Variants in KCNU1 observed in about 807,000 individuals in gnomAD.
KCNU1 encodes potassium calcium-activated channel subfamily U member 1.
In KCNU1, 93 loss-of-function variants were observed where a neutral mutation model predicts 126.8. The observed-to-expected ratio is 0.73, with a 90% CI of 0.62 to 0.87. The LOEUF is 0.87. KCNU1 is among the 40% of genes least tolerant of loss of function. KCNU1 has a pLI of 0.00. For missense variants in KCNU1, 1,330 were observed against 1,367.1 expected, an observed-to-expected ratio of 0.97 and a Z score of 0.43; for synonymous variants, 523 against 494.2, an observed-to-expected ratio of 1.06 and a Z score of -0.77.
intron 14 of KCNU1, among the ~76,000 whole-genome samples, chr8:36,838,782 A>G (rs1317013236): frequency 6.6e-6 from 1 of 152,118 alleles, no homozygotes; most frequent in Non-Finnish European, 1.5e-5. Flanking sequence ...TTTATACAAG[A>G]TGGATTTTAG....
chr8:36,892,165 A>G (rs1345104603), intron 19 of KCNU1, among the ~76,000 whole-genome samples: 5 of 151,452 alleles, frequency 3.3e-5, no homozygotes, highest in African/African-American at 9.7e-5. Context: ...TTTTATTTCT[A>G]TTTTTCTGAC....
chr8:36,886,843 G>T (rs969340176), intron 19 of KCNU1, among the ~76,000 whole-genome samples: 1 of 152,016 alleles, frequency 6.6e-6, no homozygotes, highest in Non-Finnish European at 1.5e-5. Flanking sequence ...ATACCACTCT[G>T]TATGCCTTTG....
In KCNU1 at chr8:36,784,378, G is replaced by T; in HGVS notation, c.-33G>T. 1 of 1,561,718 alleles carries T rather than the reference G, an allele frequency of 6.4e-7. No individual in the cohort carries two copies. The highest frequency in any genetic ancestry group is 2.2e-5 in the East Asian group (1 of 44,586). On this transcript the variant is annotated 5_prime_UTR_variant, in exon 1 of 27. An upstream start codon of the reference 5' UTR is lost. Transcript: ENST00000399881. ...CCAGGCGACCACGGCGTCATCAAAT[G>T]ACCTGGCAATTCCGTCTACTGATGT... is the stretch of plus-strand genomic sequence containing the variant.
intron 19 of KCNU1, among the ~76,000 whole-genome samples, chr8:36,881,527 G>T (rs1160908950): frequency 6.6e-6 from 1 of 152,046 alleles, no homozygotes; most frequent in East Asian, 1.9e-4. Context: ...ATCTGGCCAA[G>T]CCAACCAACT....
rs10699066 is a variant in KCNU1, at chr8:36,919,428, CAA to C, written c.2596+548_2596+549del. On this transcript the variant is annotated intron_variant, in intron 23 of 26. Transcript: ENST00000399881. ...CTGAGTGATACTTTCCTAAAATAGG[CAA>C]AAAAAAAAAAAAAAAACTCTCGAAG... Among the ~76,000 whole-genome samples, 323 of 109,436 alleles carry C rather than the reference CAA, an allele frequency of 3.0e-3. 3 individuals carry two copies. In the Middle Eastern group the frequency reaches 0.044, roughly 15 times the overall value. 71.8% of individuals were successfully genotyped at this position (109,436 alleles called of 152,430 possible).
intron 22 of KCNU1, among the ~76,000 whole-genome samples, chr8:36,911,480 G>T (rs1306222165): frequency 1.3e-5 from 2 of 152,290 alleles, no homozygotes; most frequent in East Asian, 3.9e-4. Flanking sequence ...TTATTATTAT[G>T]ATGAAATTCT....
intron 23 of KCNU1, among the ~76,000 whole-genome samples, chr8:36,921,726 C>A (rs1808357829): frequency 1.3e-5 from 2 of 151,482 alleles, no homozygotes; most frequent in Admixed American, 6.6e-5. Flanking sequence ...TTCTCACGGA[C>A]CACAGTGACC....
In KCNU1 at chr8:36,918,805, CTCTTT is replaced by C. The variant is rs1808224658; in HGVS notation, c.2522-13_2522-9del. 2.6e-6 allele frequency: 4 copies of C among 1,512,180 alleles called. No homozygotes were observed. In the African/African-American group the frequency reaches 4.1e-5, roughly 16 times the overall value. 93.7% of individuals were successfully genotyped at this position (1,512,180 alleles called of 1,614,324 possible). ...AAGGCATTGTGTTTGCATTTATCAC[CTCTTT>C]TCTTCTTTGCAGAGGAGACTCCAGG... is the stretch of plus-strand genomic sequence containing the variant. On this transcript the variant is annotated splice_polypyrimidine_tract_variant and intron_variant, in intron 22 of 26. Transcript: ENST00000399881.
intron 10 of KCNU1, among the ~76,000 whole-genome samples, chr8:36,828,550 A>G (rs145977718): frequency 3.7e-4 from 57 of 152,220 alleles, no homozygotes; most frequent in African/African-American, 1.4e-3. Context: ...TTCAGTTTAT[A>G]TTATGTTAGT....
In KCNU1 at chr8:36,817,641, G is replaced by T. The variant is rs552344799; in HGVS notation, c.996-9G>T. 4 of 1,535,164 alleles carry T rather than the reference G, an allele frequency of 2.6e-6. No homozygotes were observed. The East Asian group carries it at 6.8e-5, about 26-fold the overall frequency. The stretch of plus-strand genomic sequence containing the variant: ...CGGATGATCCACCTCACCTGTTTTT[G>T]CTGCCTAGGTTTATTGTGGTCTGTG... On this transcript the variant is annotated splice_polypyrimidine_tract_variant and intron_variant, in intron 9 of 26. Coordinates refer to ENST00000399881, the MANE Select transcript of KCNU1 (RefSeq NM_001031836.3).
At chr8:36,935,122 G>T (rs549660787) in intron 26 of KCNU1, among the ~76,000 whole-genome samples, 6 of 152,046 alleles carry the variant, frequency 3.9e-5, no homozygotes, top group Non-Finnish European at 7.4e-5. Flanking sequence ...CATGAGTATA[G>T]TGTCTTTTAA....
At chr8:36,935,092 A>T (rs1173658819) in intron 26 of KCNU1, among the ~76,000 whole-genome samples, 1 of 152,142 alleles carries the variant, frequency 6.6e-6, no homozygotes, top group African/African-American at 2.4e-5. Context: ...CTACGTGGTC[A>T]ATATTGTGCC....
At position 36,791,227 on chromosome 8, in the gene KCNU1, C is replaced by T. The variant is rs116077150; in HGVS notation, c.315+3802C>T. Reference sequence around the variant, plus strand: ...TTAGGTGTGTTATATCAACTACCTGCGGAAAAAAATTTTCTTCTAAATTTA... The same window carrying T: ...TTAGGTGTGTTATATCAACTACCTGTGGAAAAAAATTTTCTTCTAAATTTA... On this transcript the variant is annotated intron_variant, in intron 2 of 26. Transcript: ENST00000399881. Among the ~76,000 whole-genome samples, 744 of 152,072 alleles carry T rather than the reference C, an allele frequency of 4.9e-3. 9 individuals carry two copies. The highest frequency in any genetic ancestry group is 0.017 in the African/African-American group (702 of 41,504).
At chr8:36,856,356 C>T (rs770698844) in intron 18 of KCNU1, among the ~76,000 whole-genome samples, 1 of 152,152 alleles carries the variant, frequency 6.6e-6, no homozygotes, top group Admixed American at 6.5e-5. Flanking sequence ...TTTCCTGTTA[C>T]TTTGCATGTC....
intron 6 of KCNU1, among the ~76,000 whole-genome samples, chr8:36,807,768 G>T (rs1803560823): frequency 6.6e-6 from 1 of 150,722 alleles, no homozygotes; most frequent in African/African-American, 2.4e-5. Context: ...CAGAGGCATT[G>T]GTTCTATATA....
At chr8:36,889,175 GCAAAACTAC>G (rs1393684208) in intron 19 of KCNU1, 1 of 534,336 alleles carries the variant, frequency 1.9e-6, no homozygotes, top group African/African-American at 1.9e-5. Context: ...CATATGCCCA[GCAAAACTAC>G]CAGTTCTTTA....
In KCNU1 at chr8:36,814,199, T is replaced by C; in HGVS notation, c.733-8T>C. 6.2e-7 allele frequency: 1 copy of C among 1,611,238 alleles called. No homozygotes were observed. The highest frequency in any genetic ancestry group is 8.5e-7 in the Non-Finnish European group (1 of 1,177,662). On this transcript the variant is annotated splice_polypyrimidine_tract_variant and splice_region_variant and intron_variant, in intron 7 of 26. Coordinates refer to ENST00000399881, the MANE Select transcript of KCNU1 (RefSeq NM_001031836.3). Reference sequence around the variant, plus strand: ...CAGATGTTTCCTGAGTCTTCTCTCTTTGGACAGGTGGAAAATTCTGGTGAT... The same window carrying C: ...CAGATGTTTCCTGAGTCTTCTCTCTCTGGACAGGTGGAAAATTCTGGTGAT...
At chr8:36,851,863 CTT>C (rs1168588371) in intron 18 of KCNU1, among the ~76,000 whole-genome samples, 2 of 152,088 alleles carry the variant, frequency 1.3e-5, no homozygotes, top group African/African-American at 2.4e-5. Context: ...TTGATTGCCT[CTT>C]ATTTCATTTT....
chr8:36,865,773 C>CAAAAAAAAAACAAA, intron 19 of KCNU1, among the ~76,000 whole-genome samples: 1 of 61,386 alleles, frequency 1.6e-5, no homozygotes, highest in Non-Finnish European at 2.7e-5. Context: ...AAGAGCTTGT[C>CAAAAAAAAAACAAA]AAAAAAAAAA....
Sources: allele counts gnomAD v4.1 joint callset (sites outside exome capture counted in the v4.1 genomes callset), GRCh38; gene constraint gnomAD v4.1.1; transcripts MANE v1.5; gene names NCBI Gene and HGNC (gene_info 2026-07-23, HGNC 2026-07-21).